Variants in RAB11FIP2 observed in about 807,000 individuals in gnomAD.
RAB11FIP2 encodes rab11 family-interacting protein 2.
RAB11FIP2 carries 16 observed loss-of-function variants against 40.9 expected under a neutral mutation model. The ratio of observed to expected loss-of-function variants is 0.39; its 90% CI spans 0.26 to 0.59. RAB11FIP2 has a LOEUF of 0.59. Ranked by LOEUF, RAB11FIP2 falls within the 20% of genes least tolerant of loss-of-function variation. The pLI is 0.53. For missense variants in RAB11FIP2, 532 were observed against 606.2 expected (o/e 0.88, Z 1.28); for synonymous variants, 228 against 213.7 (o/e 1.07, Z -0.58).
intron 1 of RAB11FIP2, chr10:118,043,592 T>G (rs1846590017): frequency 6.6e-6 from 1 of 152,224 alleles, no homozygotes; most frequent in Non-Finnish European, 1.5e-5. Context: ...AGTAATAATT[T>G]TAGTTGTCAT....
intron 4 of RAB11FIP2, among the ~76,000 whole-genome samples, chr10:118,014,693 T>C (rs1354020087): frequency 6.6e-6 from 1 of 152,186 alleles, no homozygotes; most frequent in Non-Finnish European, 1.5e-5. Flanking sequence ...CTTTCTTCAA[T>C]CCTTGTCCCA....
Position 118,006,339 on chromosome 10 carries a change from C to T in RAB11FIP2, c.*2659G>A, listed in dbSNP as rs1435603507. On this transcript the variant is annotated 3_prime_UTR_variant, in exon 5 of 5. Coordinates refer to ENST00000355624, the MANE Select transcript of RAB11FIP2 (RefSeq NM_014904.3). ...CAATTCTGTGATTTTAAAAAATCCT[C>T]TTGTTGGTAGTAGTGTTTTGGGCAT... is the stretch of plus-strand genomic sequence containing the variant. 1 of 152,472 alleles carries T rather than the reference C, an allele frequency of 6.6e-6. No homozygotes were observed. Among genetic ancestry groups the T allele is most frequent in the Non-Finnish European group, 1.5e-5 (1 of 67,972 alleles). The allele number at this position is 152,472 out of a possible 1,614,324, so 9.4% of individuals were successfully genotyped here.
Position 118,046,148 on chromosome 10 carries a change from G to C in RAB11FIP2, c.16C>G (p.Gln6Glu). Residue 6 changes from glutamine to glutamate, a missense_variant, in exon 1 of 5, where the codon CAA becomes GAA. By Grantham distance (29) the Gln-to-Glu change is conservative. Transcript: ENST00000355624. ...TGGGTTGGAAACCACTTTTGGGCTTGCTCGGACAGCATCATCCTGTCCTGT... is the reference window on the plus strand; with the variant it reads ...TGGGTTGGAAACCACTTTTGGGCTTCCTCGGACAGCATCATCCTGTCCTGT... MMLSE[Q>E]AQKWFPTHVQ... The C allele has an allele frequency of 6.2e-7, 1 of 1,613,784 alleles. No homozygotes were observed. Among genetic ancestry groups the C allele is most frequent in the Non-Finnish European group, 8.5e-7 (1 of 1,179,864 alleles).
chr10:118,008,601 A>T lies in RAB11FIP2; in HGVS notation c.*397T>A, dbSNP rs1196497031. 1 of 190,626 alleles carries T rather than the reference A, an allele frequency of 5.2e-6. No individual in the cohort carries two copies. Among genetic ancestry groups the T allele is most frequent in the Non-Finnish European group, 1.1e-5 (1 of 90,222 alleles). 11.8% of individuals were successfully genotyped at this position (190,626 alleles called of 1,614,324 possible). On this transcript the variant is annotated 3_prime_UTR_variant, in exon 5 of 5. Coordinates refer to ENST00000355624, the MANE Select transcript of RAB11FIP2 (RefSeq NM_014904.3). Reference sequence around the variant, plus strand: ...TAACGAGCAGTATTCCTGAAGCTAAATATTTCTACAAACTGATTTCTGAGA... The same window carrying T: ...TAACGAGCAGTATTCCTGAAGCTAATTATTTCTACAAACTGATTTCTGAGA...
At chr10:118,040,724 ATTAT>A (rs1846547717) in intron 1 of RAB11FIP2, among the ~76,000 whole-genome samples, 159 bp from the exon 2 acceptor site, 1 of 152,026 alleles carries the variant, frequency 6.6e-6, no homozygotes, top group Non-Finnish European at 1.5e-5. Flanking sequence ...GGCTTTACTT[ATTAT>A]TTAGTTTAAA....
At position 118,040,171 on chromosome 10, in the gene RAB11FIP2, G is replaced by C; in HGVS notation, c.748C>G (p.His250Asp). Residue 250 changes from histidine to aspartate, a missense_variant, in exon 2 of 5, where the codon CAT becomes GAT. By Grantham distance (81) the His-to-Asp change is moderately conservative (BLOSUM62 -1). Coordinates refer to ENST00000355624, the MANE Select transcript of RAB11FIP2 (RefSeq NM_014904.3). Reference protein sequence around the residue: ...KLKAGTIGQTHLLGHQLDSFG... With the variant: ...KLKAGTIGQTDLLGHQLDSFG... ...GAATCTAACTGGTGTCCGAGAAGAT[G>C]TGTTTGACCTATGGTGCCAGCCTTC... 1 of 1,613,806 alleles carries C rather than the reference G, an allele frequency of 6.2e-7. No individual in the cohort carries two copies. The highest frequency in any genetic ancestry group is 8.5e-7 in the Non-Finnish European group (1 of 1,179,744).
chr10:118,011,697 G>T (rs1846157495), intron 4 of RAB11FIP2, among the ~76,000 whole-genome samples: 1 of 151,840 alleles, frequency 6.6e-6, no homozygotes, highest in African/African-American at 2.4e-5. Context: ...AAAATTGTCT[G>T]GTATACCAAG....
At chr10:118,012,547 G>A (rs1317306028) in intron 4 of RAB11FIP2, among the ~76,000 whole-genome samples, 1 of 151,632 alleles carries the variant, frequency 6.6e-6, no homozygotes, top group Non-Finnish European at 1.5e-5. Flanking sequence ...ATATATTTCT[G>A]TTTGTTGATA....
chr10:118,030,887 G>A (rs1846405321), intron 3 of RAB11FIP2, among the ~76,000 whole-genome samples: 1 of 152,084 alleles, frequency 6.6e-6, no homozygotes, highest in African/African-American at 2.4e-5. Flanking sequence ...ATGACAAAGG[G>A]TAAAAAAGTT....
At position 118,039,291 on chromosome 10, in the gene RAB11FIP2, C is replaced by G. The variant is rs1263276105; in HGVS notation, c.946G>C (p.Ala316Pro). Reference sequence around the variant, plus strand: ...GGATTTTTCTTCCTTGGCAGTGTTGCAAATTTTTGGGGTAATGAAGCAGTC... The same window carrying G: ...GGATTTTTCTTCCTTGGCAGTGTTGGAAATTTTTGGGGTAATGAAGCAGTC... Reference protein sequence around the residue: ...NVTASLPQKFATLPRKKNPFE... With the variant: ...NVTASLPQKFPTLPRKKNPFE... The change falls in exon 3 of 5, where the codon GCA becomes CCA. Residue 316 changes from alanine (A) to proline (P), a missense_variant. Ala to Pro is a conservative substitution (Grantham distance 27, BLOSUM62 -1). Coordinates refer to ENST00000355624, the MANE Select transcript of RAB11FIP2 (RefSeq NM_014904.3). The G allele has an allele frequency of 1.2e-6, 2 of 1,613,698 alleles. No homozygotes were observed. The highest frequency in any genetic ancestry group is 2.2e-5 in the East Asian group (1 of 44,854).
At chr10:118,033,703 C>G (rs1846446170) in intron 3 of RAB11FIP2, among the ~76,000 whole-genome samples, 1 of 152,104 alleles carries the variant, frequency 6.6e-6, no homozygotes, top group African/African-American at 2.4e-5. Context: ...TAAAATACAA[C>G]AAGCCTTAGA....
At chr10:118,034,247 G>A (rs138710012) in intron 3 of RAB11FIP2, among the ~76,000 whole-genome samples, 139 of 152,122 alleles carry the variant, frequency 9.1e-4, no homozygotes, top group African/African-American at 3.2e-3. Flanking sequence ...GAGGCAAAAC[G>A]GAGGATTGTG....
intron 3 of RAB11FIP2, among the ~76,000 whole-genome samples, chr10:118,020,515 T>A (rs894306846): frequency 4.6e-5 from 7 of 152,172 alleles, no homozygotes; most frequent in Non-Finnish European, 1.0e-4. Context: ...TGGCTTATTA[T>A]GTTCTGCCAC....
chr10:118,039,999 G>T, intron 2 of RAB11FIP2, 124 bp downstream of exon 2: 1 of 884,698 alleles, frequency 1.1e-6, no homozygotes, highest in Non-Finnish European at 1.7e-6. Context: ...AATATTTGAT[G>T]AATGACAAAA....
At chr10:118,032,965 C>G (rs1279946925) in intron 3 of RAB11FIP2, among the ~76,000 whole-genome samples, 3 of 151,992 alleles carry the variant, frequency 2.0e-5, no homozygotes, top group African/African-American at 4.8e-5. Context: ...CCCCAATGTG[C>G]AAGAGGAGTG....
In RAB11FIP2 at chr10:118,007,630, T is replaced by G. The variant is rs907345456; in HGVS notation, c.*1368A>C. 2 of 152,098 alleles carry G rather than the reference T, an allele frequency of 1.3e-5. No homozygotes were observed. The highest frequency in any genetic ancestry group is 1.5e-5 in the Non-Finnish European group (1 of 67,976). The allele number at this position is 152,098 out of a possible 1,614,324, so 9.4% of individuals were successfully genotyped here. On this transcript the variant is annotated 3_prime_UTR_variant, in exon 5 of 5. Transcript: ENST00000355624. ...CATAGATACTCTCAGTGTTTTATAG[T>G]ATTTCAGACTTTAAAGGCTGAAAAA...
At chr10:118,029,419 T>G (rs1258270366) in intron 3 of RAB11FIP2, among the ~76,000 whole-genome samples, 1 of 152,162 alleles carries the variant, frequency 6.6e-6, no homozygotes, top group Non-Finnish European at 1.5e-5. Context: ...CAACAGCTAC[T>G]TCATGATAGA....
In RAB11FIP2 at chr10:118,046,071, A is replaced by G. The variant is rs1163608240; in HGVS notation, c.93T>C (p.Ser31=). 1 of 1,614,170 alleles carries G rather than the reference A, an allele frequency of 6.2e-7. No individual in the cohort carries two copies. The highest frequency in any genetic ancestry group is 1.7e-5 in the Admixed American group (1 of 60,018). The change falls in exon 1 of 5, where the codon AGT becomes AGC. Residue 31 remains serine, a synonymous_variant. Transcript: ENST00000355624. ...QAKDLKPKGK[S]GTNDTYTIIQ... ...TTATAGTGTATGTGTCATTGGTACC[A>G]CTTTTGCCTTTTGGCTTCAGATCTT...
Position 118,039,297 on chromosome 10 carries a change from T to C in RAB11FIP2, c.940A>G (p.Lys314Glu). The C allele has an allele frequency of 1.2e-6, 2 of 1,613,736 alleles. No homozygotes were observed. The highest frequency in any genetic ancestry group is 1.7e-6 in the Non-Finnish European group (2 of 1,179,728). The change falls in exon 3 of 5, where the codon AAA (lysine) becomes GAA (glutamate). Residue 314 changes from lysine to glutamate, a missense_variant. Lys to Glu is a moderately conservative substitution (Grantham distance 56). Transcript: ENST00000355624. ...FTNVTASLPQ[K>E]FATLPRKKNP... ...TTCTTCCTTGGCAGTGTTGCAAATTTTTGGGGTAATGAAGCAGTCACATTT... is the reference window on the plus strand; with the variant it reads ...TTCTTCCTTGGCAGTGTTGCAAATTCTTGGGGTAATGAAGCAGTCACATTT...
Sources: gnomAD v4.1 joint callset for allele counts (sites outside exome capture counted in the v4.1 genomes callset) on GRCh38, gnomAD v4.1.1 for gene constraint, MANE v1.5 for transcripts, NCBI Gene and HGNC (gene_info 2026-07-23, HGNC 2026-07-21) for gene names.